NDUFAF8: variants seen among roughly 807,000 people sequenced by gnomAD.
NDUFAF8 encodes the protein NADH:ubiquinone oxidoreductase complex assembly factor 8, also known as NADH dehydrogenase [ubiquinone] 1 alpha subcomplex assembly factor 8.
In NDUFAF8, 9 loss-of-function variants were observed where a neutral mutation model predicts 9.9. That is an observed-to-expected ratio of 0.91 (90% CI 0.55 to 1.59). The LOEUF (loss-of-function observed/expected upper bound fraction) is 1.59, where lower values mean the gene tolerates loss of function less well. Among genes scored for constraint, NDUFAF8 ranks in the 40% most tolerant of loss-of-function variants. NDUFAF8 has a pLI of 0.00. For synonymous variants in NDUFAF8, 63 were observed against 51.2 expected, an observed-to-expected ratio of 1.23 and a Z score of -0.98; for missense variants, 114 against 113.8, an observed-to-expected ratio of 1.00 and a Z score of -0.01.
rs559070099 is a variant in NDUFAF8, at chr17:81,241,137, A to T, written c.*121A>T. On this transcript the variant is annotated 3_prime_UTR_variant, in exon 3 of 3. Coordinates refer to ENST00000431388, the MANE Select transcript of NDUFAF8 (RefSeq NM_001086521.2). ...AGGAAGTGGGAATGGCGAAGATGTG[A>T]CATTCCTCGGTGTTAGATCCTGTTT... The T allele has an allele frequency of 3.5e-6, 5 of 1,440,590 alleles. No individual in the cohort carries two copies. 89.2% of individuals were successfully genotyped at this position (1,440,590 alleles called of 1,614,324 possible). A position where few individuals can be genotyped will look rare whatever the true frequency, so the allele number is the denominator to read the frequency against.
Position 81,241,009 on chromosome 17 carries a change from G to A in NDUFAF8, c.218G>A (p.Gly73Asp), listed in dbSNP as rs1035574018. ...AAAAKKTLEG[G>D]C ...CAGGCCAAGAAGACGCTGGAGGGAG[G>A]CTGTTAGGAGGGACTCTGAGCTTCA... Residue 73 changes from glycine (G) to aspartate (D), a missense_variant, in exon 3 of 3, where the codon GGC becomes GAC. Transcript: ENST00000431388. 3.1e-6 allele frequency: 5 copies of A among 1,613,280 alleles called. No homozygotes were observed. Among genetic ancestry groups the A allele is most frequent in the Non-Finnish European group, 4.2e-6 (5 of 1,179,672 alleles).
upstream of NDUFAF8, chr17:81,239,315 G>A (rs560477763): frequency 1.5e-6 from 2 of 1,364,352 alleles, no homozygotes; most frequent in Admixed American, 4.1e-5. Flanking sequence ...GACACCGGAA[G>A]AGGACGGACC....
Position 81,239,558 on chromosome 17 carries a change from C to T in NDUFAF8, c.85-10C>T, listed in dbSNP as rs1004046531. 12 of 1,527,790 alleles carry T rather than the reference C, an allele frequency of 7.9e-6. No homozygotes were observed. The highest frequency in any genetic ancestry group is 5.6e-5 in the African/African-American group (4 of 72,002). The allele number at this position is 1,527,790 out of a possible 1,614,324, so 94.6% of individuals were successfully genotyped here. A position where few individuals can be genotyped will look rare whatever the true frequency, so the allele number is the denominator to read the frequency against. ...GGGGACCCCACGACCCACGCCCGTC[C>T]TTTCCGCAGGCCGCGGCGTACGGCA... On this transcript the variant is annotated splice_polypyrimidine_tract_variant and intron_variant, in intron 1 of 2. Coordinates refer to ENST00000431388, the MANE Select transcript of NDUFAF8 (RefSeq NM_001086521.2).
At chr17:81,239,899 CAGAA>C in intron 2 of NDUFAF8, 1 of 605,798 alleles carries the variant, frequency 1.7e-6, no homozygotes, top group Non-Finnish European at 2.9e-6. Context: ...GCACCAACCT[CAGAA>C]AGGATGGGAG....
At position 81,239,450 on chromosome 17, in the gene NDUFAF8, G is replaced by A; in HGVS notation, c.84+3G>A. On this transcript the variant is annotated splice_donor_region_variant and intron_variant, in intron 1 of 2. Coordinates refer to ENST00000431388, the MANE Select transcript of NDUFAF8 (RefSeq NM_001086521.2). Reference sequence around the variant, plus strand: ...GGCTGGCCGCCTGCGGGGCCGAGGTGAGGAGCCGCGGGCGGGCCAGTGCTG... The same window carrying A: ...GGCTGGCCGCCTGCGGGGCCGAGGTAAGGAGCCGCGGGCGGGCCAGTGCTG... 1.5e-6 allele frequency: 2 copies of A among 1,368,436 alleles called. No homozygotes were observed. The highest frequency in any genetic ancestry group is 1.9e-6 in the Non-Finnish European group (2 of 1,062,586). 84.8% of individuals were successfully genotyped at this position (1,368,436 alleles called of 1,614,324 possible).
chr17:81,240,865 A>G, intron 2 of NDUFAF8, 122 bp from the exon 3 acceptor site: 3 of 1,299,020 alleles, frequency 2.3e-6, no homozygotes, highest in Non-Finnish European at 3.2e-6. Flanking sequence ...CCCCCACCAT[A>G]TGCCAGCACC....
rs1409774279 is a variant in NDUFAF8 at position 81,239,464 on chromosome 17, G to C, written c.84+17G>C. The C allele has an allele frequency of 2.2e-6, 3 of 1,370,144 alleles. No homozygotes were observed. In the South Asian group the frequency reaches 5.1e-5, roughly 23 times the overall value. The allele number at this position is 1,370,144 out of a possible 1,614,324, so 84.9% of individuals were successfully genotyped here. ...GGGGCCGAGGTGAGGAGCCGCGGGC[G>C]GGCCAGTGCTGCGGGGCAGGAGGAG... On this transcript the variant is annotated intron_variant, in intron 1 of 2. Transcript: ENST00000431388.
Position 81,240,972 on chromosome 17 carries a change from C to T in NDUFAF8, c.196-15C>T, listed in dbSNP as rs765130289. 3 of 1,612,820 alleles carry T rather than the reference C, an allele frequency of 1.9e-6. No individual in the cohort carries two copies. In the South Asian group the frequency reaches 3.3e-5, roughly 18 times the overall value. On this transcript the variant is annotated splice_polypyrimidine_tract_variant and intron_variant, in intron 2 of 2. Transcript: ENST00000431388. Reference sequence around the variant, plus strand: ...TTGGAAGCAAGCCATTCAGACAAAACACTTTATCTTGCAGGCCAAGAAGAC... The same window carrying T: ...TTGGAAGCAAGCCATTCAGACAAAATACTTTATCTTGCAGGCCAAGAAGAC...
In NDUFAF8 at chr17:81,241,266, T is replaced by G; in HGVS notation, c.*250T>G. On this transcript the variant is annotated 3_prime_UTR_variant, in exon 3 of 3. Coordinates refer to ENST00000431388, the MANE Select transcript of NDUFAF8 (RefSeq NM_001086521.2). ...ATGTAACGGAAGCCACGATAAAGAC[T>G]CGGTCAAATCCTGCAGCCTGGGGCT... The G allele has an allele frequency of 4.3e-6, 5 of 1,162,080 alleles. No homozygotes were observed. The South Asian group carries it at 8.8e-5, about 21-fold the overall frequency. 72.0% of individuals were successfully genotyped at this position (1,162,080 alleles called of 1,614,324 possible).
chr17:81,239,909 G>A lies in NDUFAF8; in HGVS notation c.195+231G>A, dbSNP rs544387578. Reference sequence around the variant, plus strand: ...GACTGGCACCAACCTCAGAAAGGATGGGAGATGTGTGCAAAAAAGCGCCTT... The same window carrying A: ...GACTGGCACCAACCTCAGAAAGGATAGGAGATGTGTGCAAAAAAGCGCCTT... On this transcript the variant is annotated intron_variant, in intron 2 of 2. Coordinates refer to ENST00000431388, the MANE Select transcript of NDUFAF8 (RefSeq NM_001086521.2). The A allele has an allele frequency of 1.8e-4, 108 of 592,698 alleles. 2 individuals are homozygous for A. The highest frequency in any genetic ancestry group is 1.8e-3 in the South Asian group (90 of 49,812). 36.7% of individuals were successfully genotyped at this position (592,698 alleles called of 1,614,324 possible). A position where few individuals can be genotyped will look rare whatever the true frequency, so the allele number is the denominator to read the frequency against.
At position 81,239,334 on chromosome 17, in the gene NDUFAF8, C is replaced by T. The variant is rs2062786991; in HGVS notation, c.-30C>T. The T allele has an allele frequency of 3.7e-6, 5 of 1,366,234 alleles. No individual in the cohort carries two copies. The South Asian group carries it at 5.5e-5, about 15-fold the overall frequency. 84.6% of individuals were successfully genotyped at this position (1,366,234 alleles called of 1,614,324 possible). On this transcript the variant is annotated 5_prime_UTR_variant, in exon 1 of 3. Transcript: ENST00000431388. ...CCGGAAGAGGACGGACCTAAGATGG[C>T]GGCCTCCAGGGGGCTGGGAATAGCC...
chr17:81,241,169 A>G lies in NDUFAF8; in HGVS notation c.*153A>G. Reference sequence around the variant, plus strand: ...TCGGTGTTAGATCCTGTTTTTTCTTAACAAGTTGAGGCGTGGGTAGAGCAG... The same window carrying G: ...TCGGTGTTAGATCCTGTTTTTTCTTGACAAGTTGAGGCGTGGGTAGAGCAG... On this transcript the variant is annotated 3_prime_UTR_variant, in exon 3 of 3. Coordinates refer to ENST00000431388, the MANE Select transcript of NDUFAF8 (RefSeq NM_001086521.2). 1 of 1,404,234 alleles carries G rather than the reference A, an allele frequency of 7.1e-7. No homozygotes were observed. The allele number at this position is 1,404,234 out of a possible 1,614,324, so 87.0% of individuals were successfully genotyped here. A position where few individuals can be genotyped will look rare whatever the true frequency, so the allele number is the denominator to read the frequency against.
chr17:81,241,053 G>A lies in NDUFAF8; in HGVS notation c.*37G>A, dbSNP rs1435969999. 3 of 1,609,906 alleles carry A rather than the reference G, an allele frequency of 1.9e-6. No homozygotes were observed. Among genetic ancestry groups the A allele is most frequent in the Non-Finnish European group, 2.5e-6 (3 of 1,178,126 alleles). ...AGCTTCACACCTGTCTGCTGCCATG[G>A]GTGCAGAGCCCTAGTCCTGATGGCC... On this transcript the variant is annotated 3_prime_UTR_variant, in exon 3 of 3. Coordinates refer to ENST00000431388, the MANE Select transcript of NDUFAF8 (RefSeq NM_001086521.2).
intron 2 of NDUFAF8, 138 bp from the exon 3 acceptor site, chr17:81,240,849 G>T: frequency 8.7e-7 from 1 of 1,145,864 alleles, no homozygotes; most frequent in Non-Finnish European, 1.2e-6. Flanking sequence ...GCTCCAACCA[G>T]TCGAGCCCCC....
At chr17:81,240,690 G>C (rs1268055610) in intron 2 of NDUFAF8, among the ~76,000 whole-genome samples, 2 of 150,184 alleles carry the variant, frequency 1.3e-5, no homozygotes, top group East Asian at 3.9e-4. Flanking sequence ...AAGGGGGGGG[G>C]CTCCTGCTTT....
intron 2 of NDUFAF8, 59 bp downstream of exon 2, chr17:81,239,737 G>A: frequency 4.0e-6 from 6 of 1,484,024 alleles, no homozygotes; most frequent in Non-Finnish European, 5.4e-6. Flanking sequence ...GAGCCAGCGG[G>A]CCCCGGCTTT....
rs1284381264 is a variant in NDUFAF8 at position 81,239,582 on chromosome 17, C to T, written c.99C>T (p.Gly33=). ...AACGAEAAAY[G]RCVQASTAPG... ...CCTTTCCGCAGGCCGCGGCGTACGG[C>T]AGGTGCGTGCAGGCCTCCACGGCCC... The change falls in exon 2 of 3, where the codon GGC becomes GGT. Residue 33 remains glycine (G), a synonymous_variant. Coordinates refer to ENST00000431388, the MANE Select transcript of NDUFAF8 (RefSeq NM_001086521.2). 1.3e-6 allele frequency: 2 copies of T among 1,536,368 alleles called. No individual in the cohort carries two copies. Among genetic ancestry groups the T allele is most frequent in the East Asian group, 2.5e-5 (1 of 40,726 alleles).
At chr17:81,239,515 AGGAC>A in intron 1 of NDUFAF8, 49 bp from the exon 2 acceptor site, 2 of 1,452,700 alleles carry the variant, frequency 1.4e-6, no homozygotes, top group Non-Finnish European at 1.8e-6. Context: ...GCTGGGAGGG[AGGAC>A]GGTGACGGGG....
In NDUFAF8 at chr17:81,239,786, C is replaced by T; in HGVS notation, c.195+108C>T. 2.5e-6 allele frequency: 3 copies of T among 1,220,366 alleles called. No individual in the cohort carries two copies. In the East Asian group the frequency reaches 8.0e-5, roughly 33 times the overall value. The allele number at this position is 1,220,366 out of a possible 1,614,324, so 75.6% of individuals were successfully genotyped here. A position where few individuals can be genotyped will look rare whatever the true frequency, so the allele number is the denominator to read the frequency against. The stretch of plus-strand genomic sequence containing the variant: ...GTTGGTTCAAGGTTTGAGCGCCTGC[C>T]GCGTGCTTTAGACGCCGGCTGACAA... On this transcript the variant is annotated intron_variant, in intron 2 of 2. Transcript: ENST00000431388.
Sources: allele counts gnomAD v4.1 joint callset (sites outside exome capture counted in the v4.1 genomes callset), GRCh38; gene constraint gnomAD v4.1.1; transcripts MANE v1.5; gene names NCBI Gene and HGNC (gene_info 2026-07-23, HGNC 2026-07-21).